The following XRCC4 variants were observed in gnomAD, a reference collection of about 807,000 sequenced individuals.
XRCC4 encodes DNA repair protein XRCC4.
In XRCC4, 28 loss-of-function variants were observed where a neutral mutation model predicts 39.1. That is an observed-to-expected ratio of 0.72 (90% CI 0.53 to 0.98). The LOEUF (loss-of-function observed/expected upper bound fraction) is 0.98, where lower values mean the gene tolerates loss of function less well. Among genes scored for constraint, XRCC4 ranks in the 50% least tolerant of loss-of-function variants. The pLI, the probability that XRCC4 is intolerant of heterozygous loss-of-function variation, is 0.00. For missense variants in XRCC4, 350 were observed against 376.4 expected, an observed-to-expected ratio of 0.93 and a Z score of 0.58; for synonymous variants, 123 against 126.4, an observed-to-expected ratio of 0.97 and a Z score of 0.18.
chr5:83,263,730 A>T (rs1753849000), intron 7 of XRCC4, among the ~76,000 whole-genome samples: 1 of 151,598 alleles, frequency 6.6e-6, no homozygotes, highest in African/African-American at 2.4e-5. Flanking sequence ...AGTTCATTGT[A>T]GATTCTAGAT....
intron 7 of XRCC4, among the ~76,000 whole-genome samples, chr5:83,285,567 A>C (rs1754704315): frequency 6.6e-6 from 1 of 152,078 alleles, no homozygotes; most frequent in Non-Finnish European, 1.5e-5. Flanking sequence ...GTTGTAACCT[A>C]CTGGTTGACA....
chr5:83,235,334 CAAAAAA>C (rs57372204), intron 6 of XRCC4, among the ~76,000 whole-genome samples: 2 of 58,742 alleles, frequency 3.4e-5, no homozygotes, highest in South Asian at 1.2e-3. Context: ...GACCCTATCT[CAAAAAA>C]AAAAAAAAAA....
chr5:83,281,832 G>A (rs201662144), intron 7 of XRCC4, among the ~76,000 whole-genome samples: 9 of 151,978 alleles, frequency 5.9e-5, no homozygotes, highest in African/African-American at 2.2e-4. Context: ...TCATTTCTTT[G>A]TCTCACTAAA....
At chr5:83,302,319 C>T (rs539631227) in intron 7 of XRCC4, among the ~76,000 whole-genome samples, 1 of 152,194 alleles carries the variant, frequency 6.6e-6, no homozygotes, top group Non-Finnish European at 1.5e-5. Flanking sequence ...TGCTTCAAAC[C>T]CAGGGCCATG....
At chr5:83,080,549 A>T (rs1263879824) in intron 1 of XRCC4, among the ~76,000 whole-genome samples, 2 of 152,066 alleles carry the variant, frequency 1.3e-5, no homozygotes, top group Non-Finnish European at 2.9e-5. Context: ...AAAATTCCAG[A>T]AATAATGCAT....
intron 3 of XRCC4, among the ~76,000 whole-genome samples, chr5:83,149,852 C>T (rs927528896): frequency 6.6e-6 from 1 of 152,070 alleles, no homozygotes; most frequent in African/African-American, 2.4e-5. Context: ...GGACCACCCA[C>T]AGAGAGTCCA....
At chr5:83,285,127 T>G (rs1754688231) in intron 7 of XRCC4, among the ~76,000 whole-genome samples, 2 of 152,152 alleles carry the variant, frequency 1.3e-5, no homozygotes, top group South Asian at 4.1e-4. Context: ...ACATATACCC[T>G]AGAATTGTTT....
intron 7 of XRCC4, among the ~76,000 whole-genome samples, chr5:83,325,152 A>G (rs541873248): frequency 6.6e-6 from 1 of 152,236 alleles, no homozygotes; most frequent in South Asian, 2.1e-4. Flanking sequence ...AATAAAAGCT[A>G]TCACATATTT....
intron 6 of XRCC4, among the ~76,000 whole-genome samples, chr5:83,229,081 C>T (rs969554337): frequency 6.6e-6 from 1 of 152,034 alleles, no homozygotes; most frequent in East Asian, 1.9e-4. Flanking sequence ...TACCAAAAGA[C>T]GAATAAAATG....
chr5:83,248,695 T>C (rs1753200908), intron 6 of XRCC4, among the ~76,000 whole-genome samples: 1 of 152,180 alleles, frequency 6.6e-6, no homozygotes, highest in Non-Finnish European at 1.5e-5. Flanking sequence ...CATTAAAAAA[T>C]ACATTTATAA....
intron 2 of XRCC4, among the ~76,000 whole-genome samples, chr5:83,107,598 C>T (rs1032389961): frequency 4.6e-5 from 7 of 151,764 alleles, no homozygotes; most frequent in African/African-American, 9.7e-5. Context: ...GTATTACAGG[C>T]GGTTATATCA....
chr5:83,214,794 G>A (rs1212454322), intron 6 of XRCC4, among the ~76,000 whole-genome samples: 4 of 148,790 alleles, frequency 2.7e-5, no homozygotes, highest in Admixed American at 6.8e-5. Flanking sequence ...CCGAGATCGC[G>A]CCACTGCAAT....
intron 3 of XRCC4, among the ~76,000 whole-genome samples, chr5:83,141,792 A>T (rs1412337706): frequency 1.3e-5 from 2 of 152,052 alleles, no homozygotes; most frequent in Non-Finnish European, 2.9e-5. Flanking sequence ...GACTTCCCAA[A>T]ATATTAATCT....
chr5:83,248,842 G>A (rs892601872), intron 6 of XRCC4, among the ~76,000 whole-genome samples: 6 of 151,942 alleles, frequency 3.9e-5, no homozygotes, highest in African/African-American at 1.5e-4. Flanking sequence ...AAAACCTTAC[G>A]AGATTTTTGT....
chr5:83,261,354 A>G (rs1042802909), intron 7 of XRCC4, among the ~76,000 whole-genome samples: 3 of 152,054 alleles, frequency 2.0e-5, no homozygotes, highest in African/African-American at 7.2e-5. Context: ...AACATCAATT[A>G]GGTCATGTAC....
chr5:83,360,913 T>C, the XRCC4 span, among the ~76,000 whole-genome samples: 1 of 152,164 alleles, frequency 6.6e-6, no homozygotes, highest in African/African-American at 2.4e-5. Context: ...AATACTTATA[T>C]GGAATAACAA....
At chr5:83,350,301 G>T (rs1757041578) in intron 7 of XRCC4, among the ~76,000 whole-genome samples, 1 of 152,138 alleles carries the variant, frequency 6.6e-6, no homozygotes, top group Admixed American at 6.6e-5. Flanking sequence ...TTGCTGGATT[G>T]GATGATAGTT....
At chr5:83,249,291 AT>A (rs1173041077) in intron 6 of XRCC4, among the ~76,000 whole-genome samples, 38 of 152,056 alleles carry the variant, frequency 2.5e-4, no homozygotes, top group African/African-American at 9.2e-4. Flanking sequence ...TTTGGTATAG[AT>A]TTTTTCTTAT....
the XRCC4 span, among the ~76,000 whole-genome samples, chr5:83,373,346 A>G: frequency 1.3e-5 from 2 of 152,074 alleles, no homozygotes; most frequent in East Asian, 3.9e-4. Context: ...TCCTCACCAT[A>G]AGAGAATAAA....
Sources: allele counts gnomAD v4.1 joint callset (sites outside exome capture counted in the v4.1 genomes callset), GRCh38; gene constraint gnomAD v4.1.1; transcripts MANE v1.5; gene names NCBI Gene and HGNC (gene_info 2026-07-23, HGNC 2026-07-21).